Variants in SFI1 observed in about 807,000 individuals in gnomAD.
SFI1 encodes protein SFI1 homolog.
A neutral mutation model predicts 207.5 loss-of-function variants in SFI1; 195 were observed. The observed-to-expected ratio is 0.94, with a 90% CI of 0.84 to 1.06. The LOEUF is 1.06. Among genes scored for constraint, SFI1 ranks in the 50% least tolerant of loss-of-function variants. The probability of loss-of-function intolerance (pLI) is 0.00; values close to 1 mark genes in which losing one functional copy is unlikely to be tolerated. For synonymous variants in SFI1, 630 were observed against 598.9 expected (o/e 1.05, Z -0.76); for missense variants, 1,634 against 1,588.0 (o/e 1.03, Z -0.49).
At chr22:31,573,239 G>A (rs199665032) in intron 9 of SFI1, 25 bp downstream of exon 9, 127 of 1,610,428 alleles carry the variant, frequency 7.9e-5, no homozygotes, top group South Asian at 4.2e-4. Flanking sequence ...CCAGGCTCTC[G>A]AGATAGAGGA....
chr22:31,614,502 C>A, intron 27 of SFI1: 1 of 618,996 alleles, frequency 1.6e-6, no homozygotes, highest in Non-Finnish European at 3.0e-6. Flanking sequence ...GTCTCAGAGG[C>A]TGCTCCCCTG....
chr22:31,511,323 G>A (rs1007186195), intron 2 of SFI1, among the ~76,000 whole-genome samples: 1 of 152,102 alleles, frequency 6.6e-6, no homozygotes, highest in African/African-American at 2.4e-5. Flanking sequence ...AGGAGTCCTC[G>A]TAAGCTGAAC....
Position 31,589,485 on chromosome 22 carries a change from A to G in SFI1, c.1452A>G (p.Arg484=), listed in dbSNP as rs371040426. 2.5e-6 allele frequency: 4 copies of G among 1,613,646 alleles called. No homozygotes were observed. Among genetic ancestry groups the G allele is most frequent in the Non-Finnish European group, 3.4e-6 (4 of 1,179,972 alleles). ...GAGCGGATGGTCATTTCCAGCAGAG[A>G]GCCCTGCCTGCTGCCTTCCACACAT... ...QARADGHFQQ[R]ALPAAFHTWN... The change falls in exon 15 of 33, where the codon AGA becomes AGG. Residue 484 remains arginine, a synonymous_variant. Transcript: ENST00000400288.
rs772397910 is a variant in SFI1, at chr22:31,589,399, TAAA to T, written c.1414-38_1414-36del. 5.5e-6 allele frequency: 6 copies of T among 1,100,418 alleles called. No homozygotes were observed. The African/African-American group carries it at 6.5e-5, about 12-fold the overall frequency. 68.2% of individuals were successfully genotyped at this position (1,100,418 alleles called of 1,614,324 possible). On this transcript the variant is annotated intron_variant, in intron 14 of 32. Transcript: ENST00000400288. ...GGGTGTGACCCTGAGAGGTCATGTT[TAAA>T]AAAAAAAAAGTTAAGTACAAAGGTT...
At chr22:31,503,399 C>T (rs544153811) in intron 1 of SFI1, among the ~76,000 whole-genome samples, 69 of 152,004 alleles carry the variant, frequency 4.5e-4, no homozygotes, top group Non-Finnish European at 8.2e-4. Context: ...TTTCCTCAAA[C>T]CTGTTAGGCC....
intron 15 of SFI1, among the ~76,000 whole-genome samples, chr22:31,593,159 C>G (rs1221412867): frequency 6.7e-6 from 1 of 148,636 alleles, no homozygotes; most frequent in South Asian, 2.1e-4. Flanking sequence ...CCTTCCCGGA[C>G]GGGGTGGCTG....
At chr22:31,602,901 T>A (rs920563124) in intron 17 of SFI1, 116 bp downstream of exon 17, 4 of 1,207,586 alleles carry the variant, frequency 3.3e-6, no homozygotes, top group Non-Finnish European at 4.6e-6. Context: ...CAGACTCTGG[T>A]TGTAAGTTCT....
intron 10 of SFI1, among the ~76,000 whole-genome samples, chr22:31,577,232 T>C (rs1347250593): frequency 6.6e-6 from 1 of 152,202 alleles, no homozygotes; most frequent in Non-Finnish European, 1.5e-5. Flanking sequence ...AGGTAATGTT[T>C]GTGCAGAGTC....
intron 15 of SFI1, among the ~76,000 whole-genome samples, chr22:31,595,247 T>C (rs1375153328): frequency 6.6e-6 from 1 of 152,042 alleles, no homozygotes; most frequent in Admixed American, 6.6e-5. Flanking sequence ...CCACCCGCCT[T>C]GGCCTCCCAA....
At chr22:31,497,207 G>A (rs955196358) in intron 1 of SFI1, 23 of 152,052 alleles carry the variant, frequency 1.5e-4, no homozygotes, top group Admixed American at 1.2e-3. Context: ...TGATGTGAGG[G>A]ACTTGAGTAC....
intron 2 of SFI1, among the ~76,000 whole-genome samples, chr22:31,522,304 T>C (rs2057375718): frequency 6.6e-6 from 1 of 152,056 alleles, no homozygotes. Flanking sequence ...CTGATCCACC[T>C]GCCTCAGCCT....
rs761892475 is a variant in SFI1, at chr22:31,604,860, C to T, written c.1978-9C>T. On this transcript the variant is annotated splice_polypyrimidine_tract_variant and intron_variant, in intron 19 of 32. Transcript: ENST00000400288. ...CAAGAGCAGCCTCAGTCTTCCTTGT[C>T]CCCTACAGACTTACCAGGGCAGGGT... 12 of 1,610,360 alleles carry T rather than the reference C, an allele frequency of 7.5e-6. No homozygotes were observed. The African/African-American group carries it at 9.4e-5, about 13-fold the overall frequency.
At chr22:31,591,290 TCACA>T in intron 15 of SFI1, among the ~76,000 whole-genome samples, 2 of 152,052 alleles carry the variant, frequency 1.3e-5, no homozygotes, top group Non-Finnish European at 2.9e-5. Context: ...GGGGGTAAGG[TCACA>T]GATCAACAGG....
chr22:31,595,051 C>T (rs1216051045), intron 15 of SFI1, among the ~76,000 whole-genome samples: 1 of 151,990 alleles, frequency 6.6e-6, no homozygotes, highest in Admixed American at 6.6e-5. Context: ...GGCTGGCATG[C>T]AGTGGCACCA....
At position 31,597,761 on chromosome 22, in the gene SFI1, T is replaced by C. The variant is rs575056159; in HGVS notation, c.1545-4451T>C. Among the ~76,000 whole-genome samples the C allele has an allele frequency of 6.6e-5, 10 of 152,342 alleles. No individual in the cohort carries two copies. The South Asian group carries it at 1.9e-3, about 28-fold the overall frequency. On this transcript the variant is annotated intron_variant, in intron 15 of 32. Transcript: ENST00000400288. ...AGCAAATTAAAGTTCCAAATAAATA[T>C]GTATCTTTGATATTCTTAGGGTATT...
At chr22:31,564,911 T>C (rs1159675221) in intron 8 of SFI1, among the ~76,000 whole-genome samples, 1 of 149,462 alleles carries the variant, frequency 6.7e-6, no homozygotes, top group African/African-American at 2.5e-5. Context: ...CCTCCCGGGT[T>C]CACGTCATTC....
At chr22:31,609,097 C>G (rs1487540976) in intron 22 of SFI1, among the ~76,000 whole-genome samples, 1 of 152,024 alleles carries the variant, frequency 6.6e-6, no homozygotes, top group Non-Finnish European at 1.5e-5. Context: ...TCTTGGGGTT[C>G]AAGCGAATCT....
chr22:31,573,349 A>ATGTATTTTCCTCCTT, intron 9 of SFI1, 135 bp downstream of exon 9: 7 of 728,406 alleles, frequency 9.6e-6, no homozygotes, highest in African/African-American at 1.8e-5. Flanking sequence ...ATTAAGGAGG[A>ATGTATTTTCCTCCTT]AAATACATCA....
chr22:31,602,675 A>G lies in SFI1; in HGVS notation c.1695A>G (p.Ala565=), dbSNP rs1453202321. ...TCATGTGGCACCAGCAGGCAGCAGCACGTCACCAGGAGCAGGAGTGGCAAA... is the reference window on the plus strand; with the variant it reads ...TCATGTGGCACCAGCAGGCAGCAGCGCGTCACCAGGAGCAGGAGTGGCAAA... ...SWFMWHQQAA[A]RHQEQEWQTV... is the part of the protein sequence containing the mutation. Residue 565 remains alanine (A), a synonymous_variant, in exon 17 of 33, where the codon GCA becomes GCG. Transcript: ENST00000400288. The G allele has an allele frequency of 1.2e-6, 2 of 1,614,174 alleles. No homozygotes were observed. Among genetic ancestry groups the G allele is most frequent in the Non-Finnish European group, 8.5e-7 (1 of 1,180,028 alleles).
Sources: allele counts gnomAD v4.1 joint callset (sites outside exome capture counted in the v4.1 genomes callset), GRCh38; gene constraint gnomAD v4.1.1; transcripts MANE v1.5; gene names NCBI Gene and HGNC (gene_info 2026-07-23, HGNC 2026-07-21).